OSBPL9: variants seen among roughly 807,000 people sequenced by gnomAD.
The protein encoded by OSBPL9 is oxysterol binding protein like 9, also known as oxysterol-binding protein-related protein 9.
A neutral mutation model predicts 106.6 loss-of-function variants in OSBPL9; 40 were observed. That is an observed-to-expected ratio of 0.38 (90% CI 0.29 to 0.49). The LOEUF is 0.49. Among genes scored for constraint, OSBPL9 ranks in the 20% least tolerant of loss-of-function variants. The pLI, the probability that OSBPL9 is intolerant of heterozygous loss-of-function variation, is 0.97. For missense variants in OSBPL9, 609 were observed against 887.2 expected, an observed-to-expected ratio of 0.69 and a Z score of 3.98; for synonymous variants, 269 against 295.4, an observed-to-expected ratio of 0.91 and a Z score of 0.92.
intron 5 of OSBPL9, 101 bp downstream of exon 5, chr1:51,745,732 A>G (rs1182270813): frequency 2.2e-5 from 30 of 1,338,034 alleles, no homozygotes; most frequent in Non-Finnish European, 2.9e-5. Context: ...TACAGCCCTC[A>G]TGTGGTTCTT....
chr1:51,537,228 T>G, the OSBPL9 span, among the ~76,000 whole-genome samples: 1 of 152,218 alleles, frequency 6.6e-6, no homozygotes, highest in Non-Finnish European at 1.5e-5. Context: ...TTATTATTTT[T>G]TAAATGTTCA....
intron 4 of OSBPL9, among the ~76,000 whole-genome samples, chr1:51,740,442 A>G (rs978480048): frequency 1.3e-5 from 2 of 151,846 alleles, no homozygotes; most frequent in Non-Finnish European, 2.9e-5. Flanking sequence ...TTTATTTTTC[A>G]TTAGGAGGCT....
rs191576162 is a variant in OSBPL9 at position 51,695,140 on chromosome 1, A to G, written c.242-18863A>G. 1.5e-3 allele frequency among the ~76,000 whole-genome samples: 231 copies of G among 152,298 alleles called. 1 individual carries two copies. Among genetic ancestry groups the G allele is most frequent in the Admixed American group, 4.8e-3 (74 of 15,296 alleles). ...ATTTGTCACAGAGACTATGTATTAA[A>G]TATTTACTCGAGGGTCAAAATTTGA... On this transcript the variant is annotated intron_variant, in intron 3 of 23. Transcript: ENST00000428468.
At chr1:51,616,208 C>T (rs927965948), upstream of OSBPL9, among the ~76,000 whole-genome samples, 4 of 152,030 alleles carry the variant, frequency 2.6e-5, no homozygotes, top group Non-Finnish European at 5.9e-5. Flanking sequence ...TGGTCTCGAA[C>T]GCCTGATCTC....
the OSBPL9 span, among the ~76,000 whole-genome samples, chr1:51,534,897 T>A: frequency 2.6e-5 from 4 of 152,250 alleles, no homozygotes; most frequent in African/African-American, 9.6e-5. Context: ...CTAGGATCCC[T>A]TTCAATTCTG....
chr1:51,604,338 C>T (rs1643920127), intron 2 of OSBPL9, among the ~76,000 whole-genome samples: 1 of 152,024 alleles, frequency 6.6e-6, no homozygotes, highest in Non-Finnish European at 1.5e-5. Flanking sequence ...GGTGGATCAC[C>T]TGAGGTCAGG....
At chr1:51,699,984 G>T (rs948331281) in intron 3 of OSBPL9, among the ~76,000 whole-genome samples, 1 of 152,132 alleles carries the variant, frequency 6.6e-6, no homozygotes, top group African/African-American at 2.4e-5. Context: ...AAATAATTCT[G>T]TTTTTTCCCT....
At chr1:51,716,409 G>A (rs936186514) in intron 4 of OSBPL9, among the ~76,000 whole-genome samples, 2 of 152,146 alleles carry the variant, frequency 1.3e-5, no homozygotes, top group Non-Finnish European at 2.9e-5. Flanking sequence ...ATAAAATGAG[G>A]ATAATAAGAG....
chr1:51,637,414 A>T (rs1472682673), intron 1 of OSBPL9, among the ~76,000 whole-genome samples: 1 of 151,710 alleles, frequency 6.6e-6, no homozygotes, highest in East Asian at 1.9e-4. Context: ...CAGAGGCTAC[A>T]GTGAGCCGAG....
At chr1:51,668,924 A>G (rs185308806) in intron 2 of OSBPL9, among the ~76,000 whole-genome samples, 43 of 152,348 alleles carry the variant, frequency 2.8e-4, no homozygotes, top group Non-Finnish European at 5.9e-4. Flanking sequence ...AGGGCAATGT[A>G]CAAGTGGTTA....
At chr1:51,685,830 G>C (rs113211662) in intron 3 of OSBPL9, among the ~76,000 whole-genome samples, 1 of 152,182 alleles carries the variant, frequency 6.6e-6, no homozygotes, top group African/African-American at 2.4e-5. Flanking sequence ...ACAGCGTATA[G>C]ATTAAAGTTA....
the OSBPL9 span, among the ~76,000 whole-genome samples, chr1:51,547,068 C>A: frequency 1.0e-3 from 156 of 152,250 alleles, no homozygotes; most frequent in African/African-American, 3.7e-3. Context: ...ACTGGTACAG[C>A]CACTGTGGAT....
chr1:51,641,995 T>C (rs1645826214), intron 1 of OSBPL9, among the ~76,000 whole-genome samples: 1 of 152,218 alleles, frequency 6.6e-6, no homozygotes, highest in African/African-American at 2.4e-5. Context: ...CAAGTGGTTA[T>C]AAAGATGGTA....
intron 2 of OSBPL9, among the ~76,000 whole-genome samples, chr1:51,601,726 A>C (rs1645325795): frequency 6.6e-6 from 1 of 152,216 alleles, no homozygotes; most frequent in Admixed American, 6.5e-5. Context: ...TCCTTGTGAA[A>C]GCCCTTCTTA....
intron 2 of OSBPL9, among the ~76,000 whole-genome samples, chr1:51,602,047 G>T (rs1645327381): frequency 8.9e-4 from 1 of 1,118 alleles, no homozygotes; most frequent in Admixed American, 0.013. Context: ...TTGAGACGGA[G>T]TCTCACTCTT....
rs756113632 is a variant in OSBPL9 at position 51,651,971 on chromosome 1, A to G, written c.112-20A>G. The G allele has an allele frequency of 4.4e-6, 7 of 1,594,836 alleles. No individual in the cohort carries two copies. In the African/African-American group the frequency reaches 6.7e-5, roughly 15 times the overall value. On this transcript the variant is annotated intron_variant, in intron 1 of 23. Transcript: ENST00000428468. ...AGTCTGTTAATGTTTTATTCATTGAATGCTTTGTTTTTCTTTTAGTCCAAG... is the reference window on the plus strand; with the variant it reads ...AGTCTGTTAATGTTTTATTCATTGAGTGCTTTGTTTTTCTTTTAGTCCAAG...
chr1:51,654,481 AC>A (rs1366875342), intron 2 of OSBPL9, among the ~76,000 whole-genome samples: 7 of 152,318 alleles, frequency 4.6e-5, no homozygotes, highest in Admixed American at 4.6e-4. Flanking sequence ...GGCTTCAAAA[AC>A]AACCACTTAT....
At chr1:51,519,659 GATA>G in the OSBPL9 span, among the ~76,000 whole-genome samples, 2 of 152,176 alleles carry the variant, frequency 1.3e-5, no homozygotes, top group Non-Finnish European at 2.9e-5. Context: ...GACTAAATGA[GATA>G]ATGATAGAAA....
At chr1:51,531,929 C>T in the OSBPL9 span, among the ~76,000 whole-genome samples, 1 of 152,102 alleles carries the variant, frequency 6.6e-6, no homozygotes, top group African/African-American at 2.4e-5. Context: ...TAGAGGAAAA[C>T]CAGGAGAGTA....
Sources: allele counts gnomAD v4.1 joint callset (sites outside exome capture counted in the v4.1 genomes callset), GRCh38; gene constraint gnomAD v4.1.1; transcripts MANE v1.5; gene names NCBI Gene and HGNC (gene_info 2026-07-23, HGNC 2026-07-21).